PACRG: variants seen among roughly 807,000 people sequenced by gnomAD.
The protein encoded by PACRG is parkin coregulated gene protein.
Under a neutral mutation model 29.7 loss-of-function variants are expected in PACRG, and 29 were observed. The ratio of observed to expected loss-of-function variants is 0.98; its 90% CI spans 0.73 to 1.33. PACRG has a LOEUF of 1.33. PACRG is among the 40% of genes most tolerant of loss of function. PACRG has a pLI of 0.00. For synonymous variants in PACRG, 116 were observed against 118.7 expected (o/e 0.98, Z 0.15); for missense variants, 279 against 316.2 (o/e 0.88, Z 0.89).
rs185943689 is a variant in PACRG, at chr6:163,033,230, A to T, written c.292-28920A>T. Among the ~76,000 whole-genome samples, 31 of 152,300 alleles carry T rather than the reference A, an allele frequency of 2.0e-4. No homozygotes were observed. The East Asian group carries it at 4.6e-3, about 23-fold the overall frequency. ...TTAGCAGCTTTTACTTTTGATGAAA[A>T]ACCTGGTTAGTAAGCAATTTTATTT... On this transcript the variant is annotated intron_variant, in intron 2 of 4. Transcript: ENST00000366888.
chr6:163,270,566 A>G (rs1356515053), intron 4 of PACRG, among the ~76,000 whole-genome samples: 1 of 151,416 alleles, frequency 6.6e-6, no homozygotes, highest in Non-Finnish European at 1.5e-5. Context: ...GTATAAAGGG[A>G]TCTCACCATA....
chr6:162,887,606 G>C (rs888434214), intron 2 of PACRG, among the ~76,000 whole-genome samples: 2 of 152,184 alleles, frequency 1.3e-5, no homozygotes, highest in Non-Finnish European at 2.9e-5. Flanking sequence ...TAACATATCA[G>C]GGTGAAATTA....
At chr6:162,781,932 A>G (rs1453294421) in intron 1 of PACRG, among the ~76,000 whole-genome samples, 1 of 151,912 alleles carries the variant, frequency 6.6e-6, no homozygotes, top group Admixed American at 6.5e-5. Context: ...AATTATATTA[A>G]ATGTAAATGG....
chr6:163,034,637 C>T (rs982060246), intron 2 of PACRG, among the ~76,000 whole-genome samples: 2 of 152,142 alleles, frequency 1.3e-5, no homozygotes, highest in Non-Finnish European at 2.9e-5. Context: ...CCAATCAGTG[C>T]CATAGTCTCT....
chr6:163,296,917 A>G (rs1784798040), intron 4 of PACRG, among the ~76,000 whole-genome samples: 1 of 152,102 alleles, frequency 6.6e-6, no homozygotes, highest in Non-Finnish European at 1.5e-5. Flanking sequence ...AGGGACATGA[A>G]AAAAGTAAAA....
At chr6:163,252,780 A>G (rs920514811) in intron 4 of PACRG, among the ~76,000 whole-genome samples, 2 of 152,230 alleles carry the variant, frequency 1.3e-5, no homozygotes, top group Admixed American at 6.5e-5. Context: ...AGAACAAAAG[A>G]CAAAGTATAT....
intron 4 of PACRG, among the ~76,000 whole-genome samples, chr6:163,099,302 A>G (rs546399642): frequency 2.4e-4 from 37 of 152,266 alleles, no homozygotes; most frequent in African/African-American, 7.9e-4. Flanking sequence ...ATTGCGACCA[A>G]TTCAGCTAAG....
chr6:162,886,582 A>G (rs1056152433), intron 2 of PACRG, among the ~76,000 whole-genome samples: 4 of 152,144 alleles, frequency 2.6e-5, no homozygotes, highest in African/African-American at 9.7e-5. Flanking sequence ...ATCAGAAAAC[A>G]TTTCCTGTAG....
At chr6:162,983,035 G>A (rs1802562978) in intron 2 of PACRG, among the ~76,000 whole-genome samples, 1 of 151,922 alleles carries the variant, frequency 6.6e-6, no homozygotes, top group South Asian at 2.1e-4. Flanking sequence ...CTGTTGAACG[G>A]ATCCTTTTAT....
chr6:162,903,508 C>T (rs148842866), intron 2 of PACRG, among the ~76,000 whole-genome samples: 4,304 of 152,014 alleles, frequency 0.028, 228 homozygotes, highest in African/African-American at 0.099. Flanking sequence ...TCTTACATGG[C>T]GGCAGGCAAG....
intron 2 of PACRG, among the ~76,000 whole-genome samples, chr6:162,947,225 A>C (rs1192293910): frequency 6.8e-6 from 1 of 146,676 alleles, no homozygotes; most frequent in African/African-American, 2.5e-5. Context: ...ATGTATATCT[A>C]TATATAATAT....
intron 4 of PACRG, among the ~76,000 whole-genome samples, chr6:163,267,369 T>C (rs1224289919): frequency 1.3e-5 from 2 of 152,228 alleles, no homozygotes; most frequent in African/African-American, 4.8e-5. Flanking sequence ...AGCAGTTGTT[T>C]AGTCAAGAAA....
chr6:162,826,478 T>A (rs1265988807), intron 2 of PACRG, among the ~76,000 whole-genome samples: 1 of 151,650 alleles, frequency 6.6e-6, no homozygotes, highest in African/African-American at 2.4e-5. Context: ...TTTTTTTTTT[T>A]TTGAGATGGA....
At chr6:163,106,410 T>A (rs2128316706) in intron 4 of PACRG, among the ~76,000 whole-genome samples, 1 of 152,340 alleles carries the variant, frequency 6.6e-6, no homozygotes, top group Middle Eastern at 3.4e-3. Context: ...CCAAAGTTAT[T>A]TTTATTCATG....
chr6:162,975,167 G>A lies in PACRG; in HGVS notation c.292-86983G>A, dbSNP rs190245702. On this transcript the variant is annotated intron_variant, in intron 2 of 4. Coordinates refer to ENST00000366888, the MANE Select transcript of PACRG (RefSeq NM_001080379.2). ...GTATCCAGACAGGAAGTCCATGTTGGCTGAGAGGCTGAAAATACATAAGCC... is the reference window on the plus strand; with the variant it reads ...GTATCCAGACAGGAAGTCCATGTTGACTGAGAGGCTGAAAATACATAAGCC... 4.0e-3 allele frequency among the ~76,000 whole-genome samples: 603 copies of A among 152,252 alleles called. 4 individuals carry two copies. The highest frequency in any genetic ancestry group is 7.5e-3 in the Non-Finnish European group (511 of 68,030).
intron 4 of PACRG, among the ~76,000 whole-genome samples, chr6:163,192,976 G>A (rs1780282543): frequency 6.6e-6 from 1 of 152,088 alleles, no homozygotes; most frequent in Non-Finnish European, 1.5e-5. Flanking sequence ...CCTTAAACCG[G>A]ATCCCAAAGT....
At chr6:163,289,506 T>C (rs1434841680) in intron 4 of PACRG, among the ~76,000 whole-genome samples, 1 of 152,194 alleles carries the variant, frequency 6.6e-6, no homozygotes, top group Non-Finnish European at 1.5e-5. Flanking sequence ...TTTAAAATAC[T>C]TAAGATTTCA....
chr6:162,830,038 ACT>A (rs371342097), intron 2 of PACRG, among the ~76,000 whole-genome samples: 7 of 152,212 alleles, frequency 4.6e-5, no homozygotes, highest in African/African-American at 1.7e-4. Flanking sequence ...GGCGTGGTCC[ACT>A]CTCAGAATGC....
intron 4 of PACRG, among the ~76,000 whole-genome samples, chr6:163,132,808 A>T (rs548694917): frequency 6.6e-6 from 1 of 152,340 alleles, no homozygotes; most frequent in African/African-American, 2.4e-5. Context: ...TGGGGACAAA[A>T]GCTTTATTTC....
Sources: gnomAD v4.1 joint callset for allele counts (sites outside exome capture counted in the v4.1 genomes callset) on GRCh38, gnomAD v4.1.1 for gene constraint, MANE v1.5 for transcripts, NCBI Gene and HGNC (gene_info 2026-07-23, HGNC 2026-07-21) for gene names.